The following ALMS1 variants were observed in gnomAD, a reference collection of about 807,000 sequenced individuals.
ALMS1 encodes the protein ALMS1 centrosome and basal body associated protein, also known as centrosome-associated protein ALMS1.
Under a neutral mutation model 352.2 loss-of-function variants are expected in ALMS1, and 271 were observed. That is an observed-to-expected ratio of 0.77 (90% CI 0.70 to 0.85). The LOEUF is 0.85. ALMS1 is among the 40% of genes least tolerant of loss of function. The pLI, the probability that ALMS1 is intolerant of heterozygous loss-of-function variation, is 0.00. For missense variants in ALMS1, 5,445 were observed against 4,870.7 expected (o/e 1.12, Z -3.51); for synonymous variants, 1,865 against 1,761.2 (o/e 1.06, Z -1.48).
At chr2:73,499,646 C>G (rs935581713) in intron 10 of ALMS1, among the ~76,000 whole-genome samples, 1 of 152,096 alleles carries the variant, frequency 6.6e-6, no homozygotes, top group Non-Finnish European at 1.5e-5. Flanking sequence ...TTTATCCTAG[C>G]CTTGGTGTCT....
intron 3 of ALMS1, 129 bp from the exon 4 acceptor site, chr2:73,422,728 T>C: frequency 2.5e-6 from 2 of 791,934 alleles, no homozygotes; most frequent in Non-Finnish European, 4.3e-6. Flanking sequence ...CTGTTGCTTT[T>C]ATATTATTAT....
intron 9 of ALMS1, chr2:73,456,844 C>T (rs1221687632): frequency 6.6e-6 from 1 of 152,148 alleles, no homozygotes; most frequent in Non-Finnish European, 1.5e-5. Context: ...TTTAAAATTA[C>T]ATAGTTTTCT....
chr2:73,484,631 G>C (rs2103875141), intron 9 of ALMS1, among the ~76,000 whole-genome samples: 1 of 151,922 alleles, frequency 6.6e-6, no homozygotes, highest in African/African-American at 2.4e-5. Context: ...TGCCTTGCTA[G>C]ATTGGGGAAG....
At chr2:73,491,628 T>C in intron 10 of ALMS1, 130 bp downstream of exon 10, 1 of 953,748 alleles carries the variant, frequency 1.0e-6, no homozygotes, top group Non-Finnish European at 1.6e-6. Context: ...GTCTGGCTAA[T>C]TACTAGAAGT....
chr2:73,417,921 G>A (rs997405617), intron 2 of ALMS1, among the ~76,000 whole-genome samples: 1 of 152,132 alleles, frequency 6.6e-6, no homozygotes, highest in African/African-American at 2.4e-5. Flanking sequence ...CTGTAGATTG[G>A]TGCCAGTCCA....
At chr2:73,464,396 C>T (rs1244625710) in intron 9 of ALMS1, among the ~76,000 whole-genome samples, 2 of 152,162 alleles carry the variant, frequency 1.3e-5, no homozygotes, top group African/African-American at 2.4e-5. Context: ...AATTCAACAA[C>T]CCTTCATGCT....
In ALMS1 at chr2:73,490,228, G is replaced by A; in HGVS notation, c.8269G>A (p.Glu2757Lys). 6.2e-7 allele frequency: 1 copy of A among 1,614,048 alleles called. No homozygotes were observed. The highest frequency in any genetic ancestry group is 8.5e-7 in the Non-Finnish European group (1 of 1,180,000). Residue 2757 changes from glutamate (E) to lysine (K), a missense_variant, in exon 10 of 23, where the codon GAA (glutamate) becomes AAA (lysine). Transcript: ENST00000613296. Reference protein sequence around the residue: ...VGVFNSHFTEEQNPPRDLKQK... With the variant: ...VGVFNSHFTEKQNPPRDLKQK... ...GGTATTTAATTCTCATTTCACTGAA[G>A]AACAAAATCCTCCCAGAGATCTTAA...
At chr2:73,597,319 C>G (rs1675573526) in intron 16 of ALMS1, among the ~76,000 whole-genome samples, 1 of 151,964 alleles carries the variant, frequency 6.6e-6, no homozygotes, top group Admixed American at 6.6e-5. Flanking sequence ...AGTTCTAGTT[C>G]TTTGAGGATT....
chr2:73,529,364 CT>C (rs1333030164), intron 11 of ALMS1, among the ~76,000 whole-genome samples: 1 of 152,114 alleles, frequency 6.6e-6, no homozygotes, highest in Non-Finnish European at 1.5e-5. Context: ...TTTTTGAATT[CT>C]TTGTCTGAAA....
chr2:73,554,754 T>A (rs185302528), intron 13 of ALMS1, among the ~76,000 whole-genome samples: 1 of 152,142 alleles, frequency 6.6e-6, no homozygotes, highest in African/African-American at 2.4e-5. Context: ...GGGGAGCGTG[T>A]AAGTTTCTAG....
rs549732176 is a variant in ALMS1 at position 73,413,071 on chromosome 2, T to G, written c.450+4324T>G. ...GTGATTTTAACATTCATTTCTCTAA[T>G]GACTAATGATATATAGCATCTTTTT... On this transcript the variant is annotated intron_variant, in intron 2 of 22. Transcript: ENST00000613296. 1.4e-4 allele frequency among the ~76,000 whole-genome samples: 22 copies of G among 152,194 alleles called. 1 individual carries two copies. In the South Asian group the frequency reaches 4.6e-3, roughly 32 times the overall value.
At chr2:73,437,252 G>A (rs977853605) in intron 7 of ALMS1, among the ~76,000 whole-genome samples, 2 of 152,154 alleles carry the variant, frequency 1.3e-5, no homozygotes, top group Non-Finnish European at 2.9e-5. Flanking sequence ...TGTATCTGGG[G>A]GCAGGTTCAT....
chr2:73,490,347 A>G lies in ALMS1; in HGVS notation c.8388A>G (p.Gln2796=), dbSNP rs770409935. ...TAGCAGAAGGTAGAAGGCAAAGCCA[A>G]AAATTACCTGTTGATTTTGAGCGTT... is the stretch of plus-strand genomic sequence containing the variant. ...TILAEGRRQS[Q]KLPVDFERSF... The change falls in exon 10 of 23, where the codon CAA becomes CAG. Residue 2796 remains glutamine (Q), a synonymous_variant. Coordinates refer to ENST00000613296, the MANE Select transcript of ALMS1 (RefSeq NM_001378454.1). 3 of 1,612,614 alleles carry G rather than the reference A, an allele frequency of 1.9e-6. No homozygotes were observed. The highest frequency in any genetic ancestry group is 2.2e-5 in the East Asian group (1 of 44,880).
At chr2:73,597,897 T>C (rs1432400052) in intron 16 of ALMS1, among the ~76,000 whole-genome samples, 1 of 152,188 alleles carries the variant, frequency 6.6e-6, no homozygotes, top group African/African-American at 2.4e-5. Context: ...CCTGTTATTA[T>C]TTGGGATCCT....
chr2:73,597,279 T>C (rs1034883330), intron 16 of ALMS1, among the ~76,000 whole-genome samples: 1 of 152,192 alleles, frequency 6.6e-6, no homozygotes, highest in Admixed American at 6.5e-5. Context: ...ATTGATCTTA[T>C]ATTCTGCAAC....
chr2:73,536,776 A>G (rs1317988148), intron 12 of ALMS1, among the ~76,000 whole-genome samples: 1 of 152,224 alleles, frequency 6.6e-6, no homozygotes, highest in Non-Finnish European at 1.5e-5. Flanking sequence ...AAACTGGGGC[A>G]AAGGAAACAG....
intron 10 of ALMS1, among the ~76,000 whole-genome samples, chr2:73,493,422 T>G (rs1673033545): frequency 6.6e-6 from 1 of 150,828 alleles, no homozygotes; most frequent in South Asian, 2.1e-4. Flanking sequence ...ATATAATACC[T>G]TATAAAATAT....
At chr2:73,531,626 C>A (rs1572998982) in intron 11 of ALMS1, among the ~76,000 whole-genome samples, 1 of 152,234 alleles carries the variant, frequency 6.6e-6, no homozygotes, top group Non-Finnish European at 1.5e-5. Flanking sequence ...TTCAGGTTAT[C>A]TTTATAGCAG....
chr2:73,395,040 G>A (rs1255392191), intron 1 of ALMS1, among the ~76,000 whole-genome samples: 2 of 88,850 alleles, frequency 2.3e-5, no homozygotes, highest in Non-Finnish European at 2.0e-5. Flanking sequence ...ATATATATGT[G>A]TGTGTATATA....
Sources: gnomAD v4.1 joint callset for allele counts (sites outside exome capture counted in the v4.1 genomes callset) on GRCh38, gnomAD v4.1.1 for gene constraint, MANE v1.5 for transcripts, NCBI Gene and HGNC (gene_info 2026-07-23, HGNC 2026-07-21) for gene names.